MGAT4C: variants seen among roughly 807,000 people sequenced by gnomAD.
MGAT4C encodes alpha-1,3-mannosyl-glycoprotein 4-beta-N-acetylglucosaminyltransferase C.
Under a neutral mutation model 40.1 loss-of-function variants are expected in MGAT4C, and 19 were observed. That is an observed-to-expected ratio of 0.47 (90% CI 0.33 to 0.70). The LOEUF (loss-of-function observed/expected upper bound fraction) is 0.70, where lower values mean the gene tolerates loss of function less well. MGAT4C is among the 30% of genes least tolerant of loss of function. The probability of loss-of-function intolerance (pLI) is 0.02; values close to 1 mark genes in which losing one functional copy is unlikely to be tolerated. For missense variants in MGAT4C, 491 were observed against 563.2 expected, an observed-to-expected ratio of 0.87 and a Z score of 1.30; for synonymous variants, 181 against 187.1, an observed-to-expected ratio of 0.97 and a Z score of 0.27.
Position 86,228,226 on chromosome 12 carries a change from A to AAG in MGAT4C, c.-57+28011_-57+28012dup, listed in dbSNP as rs141504338. 7.8e-4 allele frequency among the ~76,000 whole-genome samples: 119 copies of AAG among 151,852 alleles called. 1 individual carries two copies. In the East Asian group the frequency reaches 0.023, roughly 29 times the overall value. ...TCTGTAGACCAAAAAAAGAAAATAA[A>AAG]AGAGAGAGAGAGTAAAAATTAATAT... On this transcript the variant is annotated intron_variant, in intron 1 of 4. Transcript: ENST00000611864.
intron 2 of MGAT4C, among the ~76,000 whole-genome samples, chr12:86,012,778 AACCACCACCACCACCACC>A (rs1183997849): frequency 3.7e-5 from 5 of 136,346 alleles, no homozygotes; most frequent in African/African-American, 1.1e-4. Flanking sequence ...CAACAACAAC[AACCACCACCACCACCACC>A]ACCACCACCA....
intron 1 of MGAT4C, among the ~76,000 whole-genome samples, chr12:86,770,982 G>A (rs1175038796): frequency 6.6e-6 from 1 of 152,060 alleles, no homozygotes; most frequent in East Asian, 1.9e-4. Context: ...TTTGGAGATA[G>A]GGTCTTTACA....
At chr12:86,131,488 G>C (rs189119269) in intron 1 of MGAT4C, among the ~76,000 whole-genome samples, 1 of 151,558 alleles carries the variant, frequency 6.6e-6, no homozygotes, top group African/African-American at 2.4e-5. Context: ...TCTACAAAGG[G>C]GTATTTTGCA....
intron 1 of MGAT4C, among the ~76,000 whole-genome samples, chr12:86,783,479 G>A (rs1951880037): frequency 6.6e-6 from 1 of 150,800 alleles, no homozygotes. Context: ...TCAAGAAAAT[G>A]ACCACAATTA....
intron 1 of MGAT4C, among the ~76,000 whole-genome samples, chr12:86,197,673 T>C (rs1001349848): frequency 3.3e-5 from 5 of 152,220 alleles, no homozygotes; most frequent in African/African-American, 9.6e-5. Context: ...AACGTTGTTA[T>C]AGCAGCTCAA....
intron 1 of MGAT4C, among the ~76,000 whole-genome samples, chr12:86,750,387 C>G (rs912953981): frequency 6.6e-6 from 1 of 151,850 alleles, no homozygotes; most frequent in Non-Finnish European, 1.5e-5. Flanking sequence ...ACGGGCTATA[C>G]TTTCTACCCA....
At chr12:86,435,557 C>T (rs527748059) in intron 2 of MGAT4C, among the ~76,000 whole-genome samples, 9 of 151,894 alleles carry the variant, frequency 5.9e-5, no homozygotes, top group Middle Eastern at 3.4e-3. Context: ...CTGTCTGGTA[C>T]GTAAATTTAC....
At chr12:86,449,704 A>T (rs60099347) in intron 2 of MGAT4C, among the ~76,000 whole-genome samples, 3,078 of 152,232 alleles carry the variant, frequency 0.02, 99 homozygotes, top group African/African-American at 0.063. Flanking sequence ...CATTTGGAGA[A>T]TATTCTATGT....
chr12:86,285,524 C>A (rs1953331687), intron 4 of MGAT4C, among the ~76,000 whole-genome samples: 1 of 151,896 alleles, frequency 6.6e-6, no homozygotes, highest in Admixed American at 6.6e-5. Context: ...TGGGAGCTTT[C>A]CAACTATCAA....
At chr12:86,542,441 C>T (rs1959173008) in intron 2 of MGAT4C, among the ~76,000 whole-genome samples, 1 of 152,194 alleles carries the variant, frequency 6.6e-6, no homozygotes, top group Non-Finnish European at 1.5e-5. Context: ...ACTGTGTAGA[C>T]ACCACCATCT....
intron 1 of MGAT4C, among the ~76,000 whole-genome samples, chr12:86,798,200 C>T (rs148760968): frequency 4.1e-4 from 63 of 152,008 alleles, no homozygotes; most frequent in African/African-American, 1.3e-3. Flanking sequence ...GCCTTGTTCA[C>T]GTTATGATCA....
rs1592572664 is a variant in MGAT4C at position 85,958,777 on chromosome 12, G to A, written c.*20512C>T. 6.6e-6 allele frequency: 1 copy of A among 151,892 alleles called. No homozygotes were observed. Among genetic ancestry groups the A allele is most frequent in the Non-Finnish European group, 1.5e-5 (1 of 67,910 alleles). The allele number at this position is 151,892 out of a possible 1,614,324, so 9.4% of individuals were successfully genotyped here. A position where few individuals can be genotyped will look rare whatever the true frequency, so the allele number is the denominator to read the frequency against. On this transcript the variant is annotated 3_prime_UTR_variant, in exon 5 of 5. Transcript: ENST00000611864. ...AAAGATTAACTGTTACTAAATTAAA[G>A]CTCCTTCAAAAACATAAATGTATTC... is the stretch of plus-strand genomic sequence containing the variant.
intron 1 of MGAT4C, among the ~76,000 whole-genome samples, chr12:86,073,550 T>C (rs1869032903): frequency 6.6e-6 from 1 of 152,102 alleles, no homozygotes; most frequent in Admixed American, 6.6e-5. Flanking sequence ...ATGCTTATAG[T>C]GATATGGACA....
At chr12:86,746,310 C>T (rs1951151038) in intron 1 of MGAT4C, among the ~76,000 whole-genome samples, 1 of 151,608 alleles carries the variant, frequency 6.6e-6, no homozygotes, top group African/African-American at 2.4e-5. Flanking sequence ...GGCCTTAAAA[C>T]CCTTTAAATG....
At chr12:85,987,181 G>T (rs1885327090) in intron 3 of MGAT4C, among the ~76,000 whole-genome samples, 1 of 126,312 alleles carries the variant, frequency 7.9e-6, no homozygotes, top group Non-Finnish European at 1.6e-5. Context: ...CTGTCGCCCA[G>T]GCTGGAGTGC....
At chr12:86,290,575 G>C (rs764015078) in intron 4 of MGAT4C, among the ~76,000 whole-genome samples, 1 of 152,058 alleles carries the variant, frequency 6.6e-6, no homozygotes, top group Non-Finnish European at 1.5e-5. Context: ...AAGTAGGTTG[G>C]TCCCTTGGTG....
intron 4 of MGAT4C, among the ~76,000 whole-genome samples, chr12:86,272,749 G>A (rs1289742707): frequency 6.6e-6 from 1 of 152,074 alleles, no homozygotes; most frequent in African/African-American, 2.4e-5. Context: ...CTACTCAGGA[G>A]GCTGCACTGG....
At chr12:86,601,423 T>G (rs900855287) in intron 2 of MGAT4C, 1 of 152,264 alleles carries the variant, frequency 6.6e-6, no homozygotes, top group African/African-American at 2.4e-5. Flanking sequence ...ACTTCCTCCA[T>G]CCTGAGCCCC....
intron 4 of MGAT4C, among the ~76,000 whole-genome samples, chr12:86,264,276 A>C (rs998932039): frequency 6.6e-6 from 1 of 152,054 alleles, no homozygotes; most frequent in African/African-American, 2.4e-5. Flanking sequence ...AGTTTTTCCT[A>C]GGTTTCCTTC....
Sources: allele counts gnomAD v4.1 joint callset (sites outside exome capture counted in the v4.1 genomes callset), GRCh38; gene constraint gnomAD v4.1.1; transcripts MANE v1.5; gene names NCBI Gene and HGNC (gene_info 2026-07-23, HGNC 2026-07-21).